Variants in PPP3R1 observed in about 807,000 individuals in gnomAD.
The protein encoded by PPP3R1 is calcineurin subunit B type 1.
Under a neutral mutation model 22.6 loss-of-function variants are expected in PPP3R1, and 5 were observed. The observed-to-expected ratio is 0.22, with a 90% CI of 0.12 to 0.46. The LOEUF (loss-of-function observed/expected upper bound fraction) is 0.46, where lower values mean the gene tolerates loss of function less well. Ranked by LOEUF, PPP3R1 falls within the 20% of genes least tolerant of loss-of-function variation. PPP3R1 has a pLI of 0.99. For missense variants in PPP3R1, 61 were observed against 203.2 expected, an observed-to-expected ratio of 0.30 and a Z score of 4.25; for synonymous variants, 56 against 65.2, an observed-to-expected ratio of 0.86 and a Z score of 0.68.
intron 2 of PPP3R1, among the ~76,000 whole-genome samples, chr2:68,193,882 T>C (rs1022557987): frequency 2.6e-5 from 4 of 152,150 alleles, no homozygotes; most frequent in Non-Finnish European, 2.9e-5. Context: ...ATTCTAACTT[T>C]TGGCGCCAAT....
intron 2 of PPP3R1, among the ~76,000 whole-genome samples, chr2:68,191,437 G>A (rs573420132): frequency 1.4e-4 from 22 of 152,200 alleles, no homozygotes; most frequent in Non-Finnish European, 2.8e-4. Context: ...TGGTACACCT[G>A]TATAGGGCAT....
In PPP3R1 at chr2:68,187,231, AAGTC is replaced by A; in HGVS notation, c.280+20_280+23del. On this transcript the variant is annotated intron_variant, in intron 4 of 5. Transcript: ENST00000234310. ...GAAATGATGGTAGTATAAGAGAATG[AAGTC>A]AGTGAAGAAAAATACTTACACCTCA... 6.4e-7 allele frequency: 1 copy of A among 1,557,282 alleles called. No individual in the cohort carries two copies. Among genetic ancestry groups the A allele is most frequent in the South Asian group, 1.1e-5 (1 of 87,492 alleles).
intron 1 of PPP3R1, among the ~76,000 whole-genome samples, chr2:68,241,822 C>A (rs1206465531): frequency 6.7e-6 from 1 of 149,426 alleles, no homozygotes; most frequent in Non-Finnish European, 1.5e-5. Flanking sequence ...CCAGCCTGGC[C>A]CACAGAGTAA....
intron 1 of PPP3R1, among the ~76,000 whole-genome samples, chr2:68,236,102 T>C (rs986289113): frequency 6.6e-6 from 1 of 152,196 alleles, no homozygotes; most frequent in African/African-American, 2.4e-5. Flanking sequence ...CAGATAACGA[T>C]TTTGAGAAAC....
At chr2:68,226,919 A>C (rs1669794018) in intron 1 of PPP3R1, among the ~76,000 whole-genome samples, 1 of 152,092 alleles carries the variant, frequency 6.6e-6, no homozygotes, top group Admixed American at 6.6e-5. Flanking sequence ...ATGAGTATTA[A>C]GCATTTGGAT....
intron 2 of PPP3R1, among the ~76,000 whole-genome samples, chr2:68,215,963 G>C (rs1669571805): frequency 6.6e-6 from 1 of 152,088 alleles, no homozygotes; most frequent in South Asian, 2.1e-4. Flanking sequence ...TAAGAATGTT[G>C]TTTTATATAT....
intron 1 of PPP3R1, among the ~76,000 whole-genome samples, chr2:68,228,865 G>T (rs929639204): frequency 4.6e-5 from 7 of 151,934 alleles, no homozygotes; most frequent in Non-Finnish European, 1.0e-4. Flanking sequence ...GAAGCTCAAT[G>T]TATTTTTTAA....
At chr2:68,232,669 C>G (rs1184510588) in intron 1 of PPP3R1, among the ~76,000 whole-genome samples, 2 of 152,002 alleles carry the variant, frequency 1.3e-5, no homozygotes, top group Non-Finnish European at 2.9e-5. Flanking sequence ...TGCAGTGGCA[C>G]GATCTCAGCT....
intron 1 of PPP3R1, among the ~76,000 whole-genome samples, chr2:68,241,261 G>A (rs1312228569): frequency 1.3e-5 from 2 of 152,074 alleles, no homozygotes; most frequent in Non-Finnish European, 2.9e-5. Context: ...CTAATACAAT[G>A]TAAATAGTAT....
At chr2:68,231,654 G>T (rs904064156) in intron 1 of PPP3R1, among the ~76,000 whole-genome samples, 4 of 152,072 alleles carry the variant, frequency 2.6e-5, no homozygotes, top group Admixed American at 6.6e-5. Flanking sequence ...GTTATTGGTT[G>T]AGATTTAACA....
intron 5 of PPP3R1, among the ~76,000 whole-genome samples, chr2:68,181,495 T>G (rs1289223082): frequency 6.6e-6 from 1 of 152,078 alleles, no homozygotes; most frequent in Admixed American, 6.6e-5. Context: ...AGTTAGAATT[T>G]TCATGGTTTC....
intron 1 of PPP3R1, among the ~76,000 whole-genome samples, chr2:68,242,045 T>A (rs926386353): frequency 6.6e-5 from 10 of 152,212 alleles, no homozygotes; most frequent in Admixed American, 4.6e-4. Flanking sequence ...ATTTACACTT[T>A]TACTTAACTT....
chr2:68,188,477 G>T (rs75687214), intron 3 of PPP3R1, 37 bp downstream of exon 3: 2 of 1,460,242 alleles, frequency 1.4e-6, no homozygotes, highest in Non-Finnish European at 1.9e-6. Flanking sequence ...AAATAGGTTA[G>T]ATAACTTGTG....
chr2:68,192,795 C>G (rs1265617896), intron 2 of PPP3R1, among the ~76,000 whole-genome samples: 1 of 152,066 alleles, frequency 6.6e-6, no homozygotes, highest in Non-Finnish European at 1.5e-5. Flanking sequence ...GTCTAAAGTC[C>G]TCGGCAATAC....
At chr2:68,204,997 T>C (rs1675084168) in intron 2 of PPP3R1, among the ~76,000 whole-genome samples, 1 of 152,238 alleles carries the variant, frequency 6.6e-6, no homozygotes, top group African/African-American at 2.4e-5. Flanking sequence ...TAAATAATTA[T>C]TTCTTATTGA....
intron 2 of PPP3R1, among the ~76,000 whole-genome samples, chr2:68,209,570 T>C (rs1252544470): frequency 6.6e-6 from 1 of 151,460 alleles, no homozygotes; most frequent in African/African-American, 2.4e-5. Context: ...CCTGGTAACA[T>C]AATAAAACCC....
chr2:68,190,527 T>C (rs967374165), intron 2 of PPP3R1, among the ~76,000 whole-genome samples: 23 of 152,122 alleles, frequency 1.5e-4, no homozygotes, highest in African/African-American at 2.4e-4. Flanking sequence ...GATCGCGCCA[T>C]TGAACTCTAG....
intron 2 of PPP3R1, among the ~76,000 whole-genome samples, chr2:68,201,176 T>TTC (rs1674967990): frequency 6.6e-6 from 1 of 152,200 alleles, no homozygotes; most frequent in African/African-American, 2.4e-5. Flanking sequence ...TTATCTACTG[T>TTC]TCCTATGTGA....
chr2:68,213,972 T>C (rs1203856857), intron 2 of PPP3R1, among the ~76,000 whole-genome samples: 1 of 152,040 alleles, frequency 6.6e-6, no homozygotes, highest in Non-Finnish European at 1.5e-5. Flanking sequence ...TACAGACCAA[T>C]GGAACAGAAT....
Sources: allele counts gnomAD v4.1 joint callset (sites outside exome capture counted in the v4.1 genomes callset), GRCh38; gene constraint gnomAD v4.1.1; transcripts MANE v1.5; gene names NCBI Gene and HGNC (gene_info 2026-07-23, HGNC 2026-07-21).